Variants in CSMD1 observed in about 807,000 individuals in gnomAD.
The protein encoded by CSMD1 is CUB and sushi domain-containing protein 1.
In CSMD1, 213 loss-of-function variants were observed where a neutral mutation model predicts 417.5. The ratio of observed to expected loss-of-function variants is 0.51; its 90% confidence interval spans 0.46 to 0.57. CSMD1 has a LOEUF of 0.57. Ranked by LOEUF, CSMD1 falls within the 20% of genes least tolerant of loss-of-function variation. The pLI is 0.00. For missense variants in CSMD1, 6,923 were observed against 4,529.7 expected (o/e 1.53, Z -15.17); for synonymous variants, 2,862 against 1,736.8 (o/e 1.65, Z -16.11).
chr8:3,557,915 CTAAA>C (rs1585362098), intron 10 of CSMD1, among the ~76,000 whole-genome samples: 2 of 152,130 alleles, frequency 1.3e-5, no homozygotes, highest in Non-Finnish European at 2.9e-5. Context: ...GGTCAACTCC[CTAAA>C]TAAATAGTTT....
chr8:4,336,360 T>C (rs1800172271), intron 3 of CSMD1, among the ~76,000 whole-genome samples: 1 of 152,098 alleles, frequency 6.6e-6, no homozygotes, highest in African/African-American at 2.4e-5. Flanking sequence ...AACTGGGTCA[T>C]TAACAGGCAA....
chr8:4,882,202 T>C (rs983060510), intron 1 of CSMD1, among the ~76,000 whole-genome samples: 2 of 151,914 alleles, frequency 1.3e-5, no homozygotes, highest in Non-Finnish European at 2.9e-5. Flanking sequence ...GTACACTGCG[T>C]GGTGGATTTC....
intron 26 of CSMD1, among the ~76,000 whole-genome samples, chr8:3,265,304 G>A (rs78494335): frequency 0.1 from 15,266 of 152,250 alleles, 1,006 homozygotes; most frequent in East Asian, 0.38. Flanking sequence ...AATGGTAAAC[G>A]CAGAAATCAG....
chr8:3,952,549 A>T (rs1353749478), intron 5 of CSMD1, among the ~76,000 whole-genome samples: 1 of 152,224 alleles, frequency 6.6e-6, no homozygotes, highest in East Asian at 1.9e-4. Context: ...TTTTAACAGT[A>T]TAAATTCACA....
intron 3 of CSMD1, among the ~76,000 whole-genome samples, chr8:4,090,199 A>G (rs986051174): frequency 6.6e-6 from 1 of 152,194 alleles, no homozygotes; most frequent in African/African-American, 2.4e-5. Context: ...ACTACAGTAC[A>G]TGATTGTCTT....
At chr8:4,310,689 C>G (rs1471302767) in intron 3 of CSMD1, among the ~76,000 whole-genome samples, 1 of 152,056 alleles carries the variant, frequency 6.6e-6, no homozygotes, top group Non-Finnish European at 1.5e-5. Flanking sequence ...AAAGACACAA[C>G]AACCATAGAA....
intron 1 of CSMD1, among the ~76,000 whole-genome samples, chr8:4,756,420 T>G (rs918269995): frequency 3.3e-5 from 5 of 152,198 alleles, no homozygotes; most frequent in Non-Finnish European, 7.4e-5. Context: ...AGTGGTGAGT[T>G]CATCATGACA....
At chr8:4,158,825 A>C (rs1379029533) in intron 3 of CSMD1, among the ~76,000 whole-genome samples, 1 of 152,224 alleles carries the variant, frequency 6.6e-6, no homozygotes, top group East Asian at 1.9e-4. Flanking sequence ...ATGATGTAGA[A>C]TCCAATAATA....
intron 1 of CSMD1, among the ~76,000 whole-genome samples, chr8:4,682,479 T>C (rs1806113365): frequency 6.6e-6 from 1 of 151,982 alleles, no homozygotes; most frequent in South Asian, 2.1e-4. Flanking sequence ...ATATGAAAAA[T>C]AGAATAATAT....
chr8:4,302,270 T>C (rs28433527), intron 3 of CSMD1, among the ~76,000 whole-genome samples: 2,921 of 152,254 alleles, frequency 0.019, 85 homozygotes, highest in African/African-American at 0.065. Flanking sequence ...TCTGGGAAAA[T>C]AGGTAAGAGA....
Position 3,099,866 on chromosome 8 carries a change from A to G in CSMD1, c.6950-2829T>C, listed in dbSNP as rs138176415. ...TTACAGAGGACTCTCAGTTTCTACA[A>G]TTCTCTCCAACCAAAGAGGTAGCAG... is the stretch of plus-strand genomic sequence containing the variant. On this transcript the variant is annotated intron_variant, in intron 46 of 69. Coordinates refer to ENST00000635120, the MANE Select transcript of CSMD1 (RefSeq NM_033225.6). Among the ~76,000 whole-genome samples, 952 of 152,314 alleles carry G rather than the reference A, an allele frequency of 6.3e-3. 6 individuals are homozygous for G. Among genetic ancestry groups the G allele is most frequent in the African/African-American group, 0.021 (871 of 41,578 alleles).
At chr8:4,101,941 G>A (rs1801325547) in intron 3 of CSMD1, among the ~76,000 whole-genome samples, 1 of 152,144 alleles carries the variant, frequency 6.6e-6, no homozygotes, top group Non-Finnish European at 1.5e-5. Flanking sequence ...TGCTGTTAGA[G>A]CTTCTAATAG....
At chr8:3,813,842 T>C (rs1389670307) in intron 5 of CSMD1, among the ~76,000 whole-genome samples, 4 of 152,146 alleles carry the variant, frequency 2.6e-5, no homozygotes, top group African/African-American at 7.2e-5. Context: ...AGCTTCGAAG[T>C]TTATGTTTTC....
At chr8:4,926,674 G>A (rs769010225) in intron 1 of CSMD1, among the ~76,000 whole-genome samples, 26 of 152,070 alleles carry the variant, frequency 1.7e-4, no homozygotes, top group Non-Finnish European at 3.5e-4. Context: ...GTATTCTTCT[G>A]GGCTTTTCTT....
At chr8:4,489,337 G>A (rs908819884) in intron 2 of CSMD1, among the ~76,000 whole-genome samples, 2 of 152,222 alleles carry the variant, frequency 1.3e-5, no homozygotes, top group African/African-American at 4.8e-5. Flanking sequence ...ACTTATTTGA[G>A]TATTTTGCTG....
chr8:3,403,142 T>G (rs1055495283), intron 15 of CSMD1, among the ~76,000 whole-genome samples: 3 of 152,182 alleles, frequency 2.0e-5, no homozygotes, highest in African/African-American at 7.2e-5. Flanking sequence ...CTTATTTTAA[T>G]TTGTTAAGGT....
chr8:4,253,037 C>T (rs1018082295), intron 3 of CSMD1, among the ~76,000 whole-genome samples: 3 of 152,204 alleles, frequency 2.0e-5, no homozygotes, highest in Non-Finnish European at 4.4e-5. Flanking sequence ...CAAAATTTTT[C>T]ATGTGCCAAC....
chr8:3,739,107 A>T (rs1391895507), intron 6 of CSMD1, among the ~76,000 whole-genome samples: 1 of 151,888 alleles, frequency 6.6e-6, no homozygotes, highest in Non-Finnish European at 1.5e-5. Context: ...TTATTCTATA[A>T]GTTTACATTT....
intron 54 of CSMD1, among the ~76,000 whole-genome samples, chr8:2,983,505 A>C (rs1053293892): frequency 2.6e-5 from 4 of 152,060 alleles, no homozygotes; most frequent in African/African-American, 9.7e-5. Context: ...TATATTTTTA[A>C]CTTCATTTAT....
Sources: allele counts gnomAD v4.1 joint callset (sites outside exome capture counted in the v4.1 genomes callset), GRCh38; gene constraint gnomAD v4.1.1; transcripts MANE v1.5; gene names NCBI Gene and HGNC (gene_info 2026-07-23, HGNC 2026-07-21).